The following ATPAF1 variants were observed in gnomAD, a reference collection of about 807,000 sequenced individuals.
The protein encoded by ATPAF1 is homolog of yeast ATP11.
In ATPAF1, 26 loss-of-function variants were observed where a neutral mutation model predicts 43.9. The ratio of observed to expected loss-of-function variants is 0.59; its 90% CI spans 0.43 to 0.82. ATPAF1 has a LOEUF of 0.82. Ranked by LOEUF, ATPAF1 falls within the 40% of genes least tolerant of loss-of-function variation. ATPAF1 has a pLI of 0.00. For synonymous variants in ATPAF1, 157 were observed against 168.0 expected, an observed-to-expected ratio of 0.93 and a Z score of 0.50; for missense variants, 366 against 435.0, an observed-to-expected ratio of 0.84 and a Z score of 1.41.
chr1:46,663,491 G>C (rs1279114675), intron 2 of ATPAF1, among the ~76,000 whole-genome samples: 1 of 152,162 alleles, frequency 6.6e-6, no homozygotes, highest in East Asian at 1.9e-4. Context: ...GGTGTGAGAT[G>C]GTATCTCATT....
At chr1:46,645,472 C>A (rs777785873) in intron 6 of ATPAF1, among the ~76,000 whole-genome samples, 17 of 151,940 alleles carry the variant, frequency 1.1e-4, no homozygotes, top group Non-Finnish European at 2.2e-4. Context: ...GGTGATCTTC[C>A]CACTCAGCCT....
At chr1:46,641,827 C>T (rs1675956131) in intron 8 of ATPAF1, among the ~76,000 whole-genome samples, 2 of 152,100 alleles carry the variant, frequency 1.3e-5, no homozygotes, top group Non-Finnish European at 2.9e-5. Context: ...GGAGACCCCT[C>T]GCTCAGTTCT....
intron 6 of ATPAF1, among the ~76,000 whole-genome samples, chr1:46,649,379 C>T (rs2486161): frequency 0.14 from 21,280 of 152,036 alleles, 3,802 homozygotes; most frequent in African/African-American, 0.4. Context: ...TACTCTGTTC[C>T]ATTAATCTAC....
At position 46,668,175 on chromosome 1, in the gene ATPAF1, G is replaced by A; in HGVS notation, c.148C>T (p.Arg50Cys). Residue 50 changes from arginine to cysteine, a missense_variant, in exon 1 of 9, where the codon CGC becomes TGC. Coordinates refer to ENST00000574428, the Ensembl canonical transcript of ATPAF1. This position sits in a 1 kb window ranked among gnomAD's most constrained non-coding sequence, Gnocchi z 4.4. ...CCCTCGGGCCGGCCCGAGCCGGGGC[G>A]CACTGGGAAGACGCGCAGCTGCGCG... is the stretch of plus-strand genomic sequence containing the variant. 2 of 1,403,976 alleles carry A rather than the reference G, an allele frequency of 1.4e-6. No homozygotes were observed. The highest frequency in any genetic ancestry group is 1.9e-6 in the Non-Finnish European group (2 of 1,079,712). 87.0% of individuals were successfully genotyped at this position (1,403,976 alleles called of 1,614,324 possible).
At chr1:46,640,497 C>T (rs1269184853) in intron 8 of ATPAF1, among the ~76,000 whole-genome samples, 1 of 152,118 alleles carries the variant, frequency 6.6e-6, no homozygotes, top group African/African-American at 2.4e-5. Flanking sequence ...GTAATCTCAG[C>T]TACTCAGGAG....
chr1:46,658,226 T>TAAAAA, intron 3 of ATPAF1, 37 bp from the exon 4 acceptor site: 13 of 1,145,144 alleles, frequency 1.1e-5, no homozygotes, highest in Admixed American at 5.0e-5. Flanking sequence ...AACACATAAT[T>TAAAAA]AAAAAAAAAA....
chr1:46,650,225 C>A (rs1368948426), intron 6 of ATPAF1, among the ~76,000 whole-genome samples: 2 of 151,846 alleles, frequency 1.3e-5, no homozygotes, highest in East Asian at 1.9e-4. Context: ...GGCATCTCAG[C>A]CCAGTTTGAA....
chr1:46,656,093 G>C (rs536714464), intron 4 of ATPAF1, among the ~76,000 whole-genome samples: 22 of 152,364 alleles, frequency 1.4e-4, no homozygotes, highest in Middle Eastern at 3.4e-3. Flanking sequence ...ACTTAACCCA[G>C]GGTAGGGAAG....
chr1:46,667,889 T>C (rs1676517757), intron 1 of ATPAF1, among the ~76,000 whole-genome samples, 168 bp downstream of exon 1: 1 of 152,142 alleles, frequency 6.6e-6, no homozygotes, highest in African/African-American at 2.4e-5. Flanking sequence ...TGACACCAAT[T>C]AGCTGTGTGA....
At chr1:46,666,574 T>C (rs777618881) in intron 1 of ATPAF1, among the ~76,000 whole-genome samples, 6 of 152,370 alleles carry the variant, frequency 3.9e-5, no homozygotes, top group Non-Finnish European at 8.8e-5. Context: ...ACAGGTATTA[T>C]GATGAAAATT....
chr1:46,648,229 A>C (rs1469675454), intron 6 of ATPAF1, among the ~76,000 whole-genome samples: 1 of 152,164 alleles, frequency 6.6e-6, no homozygotes, highest in Non-Finnish European at 1.5e-5. Context: ...CTCATGCCTC[A>C]GCTTCCGGAG....
chr1:46,646,589 T>C (rs1676049359), intron 6 of ATPAF1, among the ~76,000 whole-genome samples: 1 of 152,232 alleles, frequency 6.6e-6, no homozygotes, highest in Non-Finnish European at 1.5e-5. Context: ...ATTATCTTCT[T>C]ATTGTCAACC....
intron 6 of ATPAF1, among the ~76,000 whole-genome samples, chr1:46,650,830 A>G (rs1031007961): frequency 1.3e-5 from 2 of 151,616 alleles, no homozygotes; most frequent in African/African-American, 4.8e-5. Context: ...AAAAAACCTG[A>G]TCTCATAGAA....
Position 46,643,051 on chromosome 1 carries a change from C to T in ATPAF1, c.792+143G>A, listed in dbSNP as rs994672362. ...TCAAATTGGAAGATCTTGAGCAAGA[C>T]AACTTCACTGTCAACTTTAAAATAA... is the stretch of plus-strand genomic sequence containing the variant. On this transcript the variant is annotated intron_variant, in intron 8 of 8. Transcript: ENST00000574428. The T allele has an allele frequency of 7.4e-6, 5 of 673,936 alleles. No individual in the cohort carries two copies. The African/African-American group carries it at 9.2e-5, about 12-fold the overall frequency. The allele number at this position is 673,936 out of a possible 1,614,324, so 41.7% of individuals were successfully genotyped here. A position where few individuals can be genotyped will look rare whatever the true frequency, so the allele number is the denominator to read the frequency against.
At chr1:46,649,758 C>G (rs1285410954) in intron 6 of ATPAF1, among the ~76,000 whole-genome samples, 1 of 151,818 alleles carries the variant, frequency 6.6e-6, no homozygotes, top group Non-Finnish European at 1.5e-5. Flanking sequence ...GATCTTGTCT[C>G]TACTAAACAT....
chr1:46,635,082 T>C (rs1263549074), exon 9 of ATPAF1: 1 of 152,684 alleles, frequency 6.5e-6, no homozygotes, highest in Admixed American at 6.5e-5. Context: ...ACTGCACTGA[T>C]TCATTCCTTC....
At chr1:46,652,696 A>G in intron 5 of ATPAF1, 68 bp from the exon 6 acceptor site, 1 of 1,316,082 alleles carries the variant, frequency 7.6e-7, no homozygotes, top group Non-Finnish European at 1.1e-6. Context: ...ATCACATGTA[A>G]TTCACCAAGA....
At chr1:46,644,574 C>G (rs1676005015) in intron 7 of ATPAF1, among the ~76,000 whole-genome samples, 1 of 151,932 alleles carries the variant, frequency 6.6e-6, no homozygotes, top group Non-Finnish European at 1.5e-5. Context: ...TGTTTTTTGC[C>G]ACATTTGACC....
At chr1:46,652,205 CAAAA>C (rs10718568) in intron 6 of ATPAF1, among the ~76,000 whole-genome samples, 1 of 109,778 alleles carries the variant, frequency 9.1e-6, no homozygotes, top group Admixed American at 8.8e-5. Context: ...ATAATAAAAG[CAAAA>C]AAAAAAAAAA....
Sources: allele counts gnomAD v4.1 joint callset (sites outside exome capture counted in the v4.1 genomes callset), GRCh38; gene constraint gnomAD v4.1.1; non-coding constraint Gnocchi (gnomAD v3.1); transcripts MANE v1.5; gene names NCBI Gene and HGNC (gene_info 2026-07-23, HGNC 2026-07-21).